The following PPP2R2B variants were observed in gnomAD, a reference collection of about 807,000 sequenced individuals.
The protein encoded by PPP2R2B is protein phosphatase 2 regulatory subunit Bbeta, also known as serine/threonine-protein phosphatase 2A 55 kDa regulatory subunit B beta isoform.
Under a neutral mutation model 46.0 loss-of-function variants are expected in PPP2R2B, and 5 were observed. That is an observed-to-expected ratio of 0.11 (90% CI 0.06 to 0.23). The LOEUF (loss-of-function observed/expected upper bound fraction) is 0.23, where lower values mean the gene tolerates loss of function less well. Ranked by LOEUF, PPP2R2B falls within the 10% of genes least tolerant of loss-of-function variation. The pLI, the probability that PPP2R2B is intolerant of heterozygous loss-of-function variation, is 1.00. For missense variants in PPP2R2B, 367 were observed against 575.0 expected, an observed-to-expected ratio of 0.64 and a Z score of 3.70; for synonymous variants, 215 against 206.7, an observed-to-expected ratio of 1.04 and a Z score of -0.34.
At chr5:146,875,584 G>A (rs1014416890) in intron 2 of PPP2R2B, among the ~76,000 whole-genome samples, 12 of 152,054 alleles carry the variant, frequency 7.9e-5, no homozygotes, top group Non-Finnish European at 1.6e-4. Context: ...AATGATCTGA[G>A]CAAACAGAAG....
intron 2 of PPP2R2B, among the ~76,000 whole-genome samples, chr5:146,711,575 G>A (rs1443712440): frequency 6.6e-6 from 1 of 152,156 alleles, no homozygotes; most frequent in Admixed American, 6.6e-5. Flanking sequence ...CAGATGGGTT[G>A]GGGGAGAGAG....
At chr5:146,823,708 C>A (rs1758409656) in intron 2 of PPP2R2B, among the ~76,000 whole-genome samples, 1 of 152,062 alleles carries the variant, frequency 6.6e-6, no homozygotes, top group South Asian at 2.1e-4. Flanking sequence ...TCTTCTCAAG[C>A]AGAAGTATAA....
intron 1 of PPP2R2B, among the ~76,000 whole-genome samples, chr5:146,993,414 G>A (rs1042577784): frequency 3.3e-4 from 49 of 150,674 alleles, no homozygotes; most frequent in Admixed American, 6.7e-4. Context: ...ACTAATTTTT[G>A]TATTTTTAAT....
intron 2 of PPP2R2B, among the ~76,000 whole-genome samples, chr5:146,786,103 C>T (rs190988024): frequency 1.2e-4 from 18 of 152,042 alleles, no homozygotes; most frequent in East Asian, 1.9e-4. Context: ...CCTGATATGA[C>T]GATTACACAT....
chr5:146,664,889 T>A (rs139312332), intron 5 of PPP2R2B, among the ~76,000 whole-genome samples: 1 of 152,282 alleles, frequency 6.6e-6, no homozygotes, highest in Non-Finnish European at 1.5e-5. Context: ...CCATCAGAGC[T>A]CTTGGGTGAC....
chr5:147,056,681 A>G (rs1757096401), upstream of PPP2R2B, among the ~76,000 whole-genome samples: 1 of 152,150 alleles, frequency 6.6e-6, no homozygotes, highest in African/African-American at 2.4e-5. Flanking sequence ...GAGAGAGAGA[A>G]AAAGAGAGAC....
At chr5:147,041,049 T>A (rs1156880371) in intron 1 of PPP2R2B, among the ~76,000 whole-genome samples, 1 of 152,104 alleles carries the variant, frequency 6.6e-6, no homozygotes, top group African/African-American at 2.4e-5. Flanking sequence ...GTCAAACCAC[T>A]TTGCATGTAA....
chr5:146,769,906 C>G (rs1036746063), intron 2 of PPP2R2B, among the ~76,000 whole-genome samples: 3 of 151,986 alleles, frequency 2.0e-5, no homozygotes, highest in African/African-American at 4.8e-5. Context: ...TGTCTTTGAC[C>G]TAGTTATTCT....
chr5:146,706,041 A>AG (rs1463949871), intron 2 of PPP2R2B, among the ~76,000 whole-genome samples: 1 of 152,090 alleles, frequency 6.6e-6, no homozygotes, highest in Non-Finnish European at 1.5e-5. Context: ...GGCATGGGCA[A>AG]GGGGCGGGGG....
intron 2 of PPP2R2B, among the ~76,000 whole-genome samples, chr5:146,873,387 C>T (rs1263365674): frequency 6.6e-6 from 1 of 152,184 alleles, no homozygotes; most frequent in Non-Finnish European, 1.5e-5. Flanking sequence ...CCAGATTAAA[C>T]TTCTAGAAAA....
intron 1 of PPP2R2B, among the ~76,000 whole-genome samples, chr5:147,051,653 A>C (rs898023730): frequency 1.2e-4 from 18 of 152,012 alleles, no homozygotes; most frequent in African/African-American, 4.4e-4. Flanking sequence ...TTAGATAACA[A>C]TAACAGGCCC....
Position 146,878,175 on chromosome 5 carries a change from G to T in PPP2R2B, c.-104C>A. ...GGAGAGGGGGGCAGGGGAGCCAGTG[G>T]GACTGCACCATGGTCCGAGCCTGAG... On this transcript the variant is annotated 5_prime_UTR_variant, in exon 2 of 10. Coordinates refer to ENST00000394411, the MANE Select transcript of PPP2R2B (RefSeq NM_181675.4). The surrounding 1 kb of genome is among the most constrained non-coding windows in gnomAD (Gnocchi z 4.5). The T allele has an allele frequency of 6.3e-7, 1 of 1,599,652 alleles. No homozygotes were observed.
chr5:146,992,294 G>C (rs929169265), intron 1 of PPP2R2B, among the ~76,000 whole-genome samples: 1 of 152,182 alleles, frequency 6.6e-6, no homozygotes, highest in African/African-American at 2.4e-5. Context: ...AATGGTGTTG[G>C]GAAAACTAGA....
chr5:146,856,010 C>T (rs558667804), intron 2 of PPP2R2B, among the ~76,000 whole-genome samples: 26 of 152,266 alleles, frequency 1.7e-4, no homozygotes, highest in Middle Eastern at 3.4e-3. Context: ...TTCAGTGATA[C>T]CTTTTATTCT....
At chr5:146,914,849 G>A (rs189857483) in intron 1 of PPP2R2B, among the ~76,000 whole-genome samples, 2 of 152,296 alleles carry the variant, frequency 1.3e-5, no homozygotes, top group Non-Finnish European at 2.9e-5. Flanking sequence ...GTACAATTTA[G>A]GGCCAGGGTA....
chr5:147,030,118 C>A (rs1755711857), intron 1 of PPP2R2B, among the ~76,000 whole-genome samples: 1 of 152,180 alleles, frequency 6.6e-6, no homozygotes, highest in Non-Finnish European at 1.5e-5. Context: ...TTGAGTCTTT[C>A]CATCTGTGAA....
At chr5:146,885,448 C>T (rs556352124) in intron 1 of PPP2R2B, among the ~76,000 whole-genome samples, 2 of 152,330 alleles carry the variant, frequency 1.3e-5, no homozygotes, top group Non-Finnish European at 2.9e-5. Context: ...GATAAATATT[C>T]TCTCAGTTGA....
At chr5:146,868,396 C>T (rs931341810) in intron 2 of PPP2R2B, among the ~76,000 whole-genome samples, 1 of 152,142 alleles carries the variant, frequency 6.6e-6, no homozygotes, top group Non-Finnish European at 1.5e-5. Context: ...AGCCTATGGC[C>T]ATGTTTTCCC....
rs117857090 is a variant in PPP2R2B, at chr5:146,823,670, T to C, written c.70+54332A>G. ...AAAGTTTAAAATCTTGGAAATGGAT[T>C]CAATCATCCATGACAAACATATGTT... On this transcript the variant is annotated intron_variant, in intron 2 of 9. Coordinates refer to ENST00000394411, the MANE Select transcript of PPP2R2B (RefSeq NM_181675.4). 9.9e-4 allele frequency among the ~76,000 whole-genome samples: 151 copies of C among 152,266 alleles called. No individual in the cohort carries two copies. The East Asian group carries it at 0.016, about 17-fold the overall frequency.
Sources: allele counts gnomAD v4.1 joint callset (sites outside exome capture counted in the v4.1 genomes callset), GRCh38; gene constraint gnomAD v4.1.1; non-coding constraint Gnocchi (gnomAD v3.1); transcripts MANE v1.5; gene names NCBI Gene and HGNC (gene_info 2026-07-23, HGNC 2026-07-21).